The following SVOP variants were observed in gnomAD, a reference collection of about 807,000 sequenced individuals.
SVOP encodes synaptic vesicle 2-related protein.
Under a neutral mutation model 69.1 loss-of-function variants are expected in SVOP, and 17 were observed. The ratio of observed to expected loss-of-function variants is 0.25; its 90% CI spans 0.17 to 0.37. The LOEUF is 0.37. Among genes scored for constraint, SVOP ranks in the 10% least tolerant of loss-of-function variants. SVOP has a pLI of 1.00. For missense variants in SVOP, 435 were observed against 597.5 expected, an observed-to-expected ratio of 0.73 and a Z score of 2.84; for synonymous variants, 238 against 238.6, an observed-to-expected ratio of 1.00 and a Z score of 0.02.
chr12:108,985,562 C>T (rs1381978693), intron 1 of SVOP, among the ~76,000 whole-genome samples: 5 of 151,912 alleles, frequency 3.3e-5, no homozygotes, highest in African/African-American at 1.2e-4. Flanking sequence ...GTCCCAGCTA[C>T]TTGGGAGGCT....
At chr12:109,019,078 A>G (rs1251585679) in intron 1 of SVOP, among the ~76,000 whole-genome samples, 2 of 152,214 alleles carry the variant, frequency 1.3e-5, no homozygotes, top group African/African-American at 4.8e-5. Context: ...AATAGATAAT[A>G]TATGTATTTA....
At chr12:108,977,207 C>G (rs978376716) in intron 4 of SVOP, among the ~76,000 whole-genome samples, 191 bp downstream of exon 4, 1 of 152,232 alleles carries the variant, frequency 6.6e-6, no homozygotes. Context: ...TCCCAAGTAG[C>G]TGGACCTCCG....
chr12:108,985,440 C>T (rs1017404408), intron 1 of SVOP, among the ~76,000 whole-genome samples: 138 of 152,184 alleles, frequency 9.1e-4, no homozygotes, highest in Non-Finnish European at 1.9e-3. Context: ...GGGAGGCTGG[C>T]GTGAAAGGGT....
At chr12:109,006,519 C>T (rs1229223129) in intron 1 of SVOP, among the ~76,000 whole-genome samples, 1 of 152,160 alleles carries the variant, frequency 6.6e-6, no homozygotes, top group African/African-American at 2.4e-5. Flanking sequence ...CAGGGTTTGT[C>T]AGGAGGCAGA....
At chr12:108,938,085 G>C (rs1457870756) in intron 9 of SVOP, among the ~76,000 whole-genome samples, 2 of 152,220 alleles carry the variant, frequency 1.3e-5, no homozygotes, top group Admixed American at 6.5e-5. Flanking sequence ...TGGACTCTAT[G>C]TTGTCAGACC....
chr12:108,977,400 A>T lies in SVOP; in HGVS notation c.379T>A (p.Ser127Thr). The T allele has an allele frequency of 6.5e-7, 1 of 1,537,078 alleles. No homozygotes were observed. Among genetic ancestry groups the T allele is most frequent in the Non-Finnish European group, 8.7e-7 (1 of 1,146,874 alleles). ...LPSWQVALLT[S>T]VVFVGMMSSS... ...AAGGGAGCTGCTGGGCTGCCTACCG[A>T]GGTCAGCAATGCCACCTGCCAGCTT... is the stretch of plus-strand genomic sequence containing the variant. The change falls in exon 4 of 16, where the codon TCG (serine) becomes ACG (threonine). Residue 127 changes from serine to threonine, a missense_variant and splice_region_variant. By Grantham distance (58) the Ser-to-Thr change is moderately conservative (BLOSUM62 1). Transcript: ENST00000610966.
chr12:108,966,969 C>G (rs2040049289), intron 5 of SVOP, among the ~76,000 whole-genome samples: 1 of 151,982 alleles, frequency 6.6e-6, no homozygotes, highest in African/African-American at 2.4e-5. Context: ...ATGTCATTTT[C>G]TCTGTGCCAA....
intron 10 of SVOP, 145 bp from the exon 11 acceptor site, chr12:108,934,416 C>G: frequency 1.6e-6 from 1 of 626,970 alleles, no homozygotes; most frequent in East Asian, 2.8e-5. Flanking sequence ...TACTGGGGAC[C>G]TTGAGCAAGA....
At chr12:108,914,228 T>C (rs1256769227) in intron 15 of SVOP, among the ~76,000 whole-genome samples, 2 of 152,236 alleles carry the variant, frequency 1.3e-5, no homozygotes, top group East Asian at 3.8e-4. Flanking sequence ...GACTGCTTAG[T>C]GGATCCAGGG....
In SVOP at chr12:108,981,734, T is replaced by G. The variant is rs1039594991; in HGVS notation, c.196+1867A>C. 2.9e-3 allele frequency among the ~76,000 whole-genome samples: 436 copies of G among 152,288 alleles called. 5 individuals carry two copies. The highest frequency in any genetic ancestry group is 4.7e-3 in the Admixed American group (72 of 15,292). The stretch of plus-strand genomic sequence containing the variant: ...TTGTGAGGATTAGATGGATAAAACA[T>G]GTAAACTGGTTAGAGCAGTGCCTGG... On this transcript the variant is annotated intron_variant, in intron 2 of 15. Coordinates refer to ENST00000610966, the MANE Select transcript of SVOP (RefSeq NM_018711.5).
chr12:108,944,963 G>A, intron 7 of SVOP, 140 bp downstream of exon 7: 1 of 708,182 alleles, frequency 1.4e-6, no homozygotes, highest in Non-Finnish European at 2.3e-6. Flanking sequence ...TGATGTAACT[G>A]ATCCTTTTAC....
intron 1 of SVOP, among the ~76,000 whole-genome samples, chr12:109,012,160 A>C (rs1323643213): frequency 6.6e-6 from 1 of 152,016 alleles, no homozygotes; most frequent in East Asian, 1.9e-4. Flanking sequence ...GTGGGTGCCT[A>C]TAATCCCAGC....
chr12:108,999,948 G>A (rs1457276297), intron 1 of SVOP, among the ~76,000 whole-genome samples: 2 of 147,042 alleles, frequency 1.4e-5, no homozygotes, highest in Non-Finnish European at 3.0e-5. Context: ...CAGAAGGCAA[G>A]AAATAACTAA....
intron 4 of SVOP, 109 bp from the exon 5 acceptor site, chr12:108,972,585 T>C: frequency 8.9e-7 from 1 of 1,122,070 alleles, no homozygotes; most frequent in Non-Finnish European, 1.3e-6. Flanking sequence ...AGCAATGATC[T>C]AACATTCACT....
At chr12:108,923,981 C>A (rs1308294859) in intron 11 of SVOP, among the ~76,000 whole-genome samples, 1 of 152,128 alleles carries the variant, frequency 6.6e-6, no homozygotes, top group Non-Finnish European at 1.5e-5. Context: ...CATGTTGAAA[C>A]CTAATCTCCA....
At chr12:108,951,900 G>A (rs993206321) in intron 6 of SVOP, among the ~76,000 whole-genome samples, 1 of 152,158 alleles carries the variant, frequency 6.6e-6, no homozygotes, top group African/African-American at 2.4e-5. Context: ...TCCCCTCCTG[G>A]GGATCTGTGT....
intron 1 of SVOP, among the ~76,000 whole-genome samples, chr12:109,014,947 G>C (rs928270691): frequency 1.3e-5 from 2 of 152,138 alleles, no homozygotes; most frequent in Admixed American, 6.6e-5. Flanking sequence ...TGGTCTCACA[G>C]CTCTTGGCTT....
chr12:108,979,601 T>C (rs1417739110), intron 2 of SVOP, among the ~76,000 whole-genome samples: 1 of 152,156 alleles, frequency 6.6e-6, no homozygotes, highest in Non-Finnish European at 1.5e-5. Flanking sequence ...GTGCACACTA[T>C]ATTGTTAAGT....
intron 6 of SVOP, among the ~76,000 whole-genome samples, chr12:108,953,299 C>A (rs930667920): frequency 6.6e-6 from 1 of 151,972 alleles, no homozygotes; most frequent in Admixed American, 6.6e-5. Flanking sequence ...CAGGCATGTG[C>A]CACCACGCCC....
Sources: allele counts gnomAD v4.1 joint callset (sites outside exome capture counted in the v4.1 genomes callset), GRCh38; gene constraint gnomAD v4.1.1; transcripts MANE v1.5; gene names NCBI Gene and HGNC (gene_info 2026-07-23, HGNC 2026-07-21).